ARNT2: variants seen among roughly 807,000 people sequenced by gnomAD.
ARNT2 encodes the protein ARNT protein 2.
ARNT2 carries 36 observed loss-of-function variants against 91.7 expected under a neutral mutation model. That is an observed-to-expected ratio of 0.39 (90% CI 0.30 to 0.52). ARNT2 has a LOEUF of 0.52. ARNT2 is among the 20% of genes least tolerant of loss of function. The pLI is 0.72. For missense variants in ARNT2, 775 were observed against 939.3 expected, an observed-to-expected ratio of 0.83 and a Z score of 2.29; for synonymous variants, 365 against 347.1, an observed-to-expected ratio of 1.05 and a Z score of -0.57.
At chr15:80,460,699 G>C (rs1342917444) in intron 3 of ARNT2, among the ~76,000 whole-genome samples, 4 of 152,260 alleles carry the variant, frequency 2.6e-5, no homozygotes, top group Non-Finnish European at 5.9e-5. Context: ...GCTGAGGACT[G>C]ATGGGGAGAT....
At position 80,457,939 on chromosome 15, in the gene ARNT2, G is replaced by C; in HGVS notation, c.157G>C (p.Asp53His). 1 of 1,613,928 alleles carries C rather than the reference G, an allele frequency of 6.2e-7. No individual in the cohort carries two copies. The highest frequency in any genetic ancestry group is 8.5e-7 in the Non-Finnish European group (1 of 1,179,942). Residue 53 changes from aspartate (D) to histidine (H), a missense_variant, in exon 3 of 19, where the codon GAT becomes CAT. By Grantham distance (81) the Asp-to-His change is moderately conservative. Transcript: ENST00000303329. ...GGKRRSGMDF[D>H]DEDGEGPSKF... is the part of the protein sequence containing the mutation. ...ATCTTGACTTTTCAGAATGGACTTC[G>C]ATGATGAAGATGGTGAAGGCCCCAG...
intron 5 of ARNT2, among the ~76,000 whole-genome samples, chr15:80,506,088 C>T (rs1378916333): frequency 6.6e-6 from 1 of 151,990 alleles, no homozygotes; most frequent in Non-Finnish European, 1.5e-5. Context: ...AGGTGCCCGC[C>T]ACCGCGCCTG....
chr15:80,530,189 T>A (rs1897713448), intron 8 of ARNT2, among the ~76,000 whole-genome samples: 1 of 152,232 alleles, frequency 6.6e-6, no homozygotes. Flanking sequence ...TCCAGAAAGA[T>A]ATTTCAGGCC....
At chr15:80,576,215 T>A (rs1280144365) in intron 14 of ARNT2, among the ~76,000 whole-genome samples, 2 of 152,110 alleles carry the variant, frequency 1.3e-5, no homozygotes, top group Non-Finnish European at 2.9e-5. Context: ...ACTAGAGGAC[T>A]TGGAATCCCT....
At chr15:80,424,493 C>T (rs1233772218) in intron 1 of ARNT2, among the ~76,000 whole-genome samples, 1 of 152,184 alleles carries the variant, frequency 6.6e-6, no homozygotes, top group Non-Finnish European at 1.5e-5. Context: ...AAAGTCAGGT[C>T]CCTCCTTCCA....
chr15:80,580,558 A>G lies in ARNT2; in HGVS notation c.1752+9A>G. The G allele has an allele frequency of 6.2e-7, 1 of 1,613,710 alleles. No individual in the cohort carries two copies. Among genetic ancestry groups the G allele is most frequent in the South Asian group, 1.1e-5 (1 of 91,054 alleles). ...CGCCCTTTCCGGGACAGGTATGGGC[A>G]TCTGTGAGGGCATCTCCCCTGGGTG... On this transcript the variant is annotated intron_variant, in intron 16 of 18. Coordinates refer to ENST00000303329, the MANE Select transcript of ARNT2 (RefSeq NM_014862.4).
At chr15:80,493,455 A>T (rs1897083832) in intron 5 of ARNT2, among the ~76,000 whole-genome samples, 1 of 152,174 alleles carries the variant, frequency 6.6e-6, no homozygotes, top group Non-Finnish European at 1.5e-5. Flanking sequence ...CATTACCTGA[A>T]GTTAGTAGGG....
At chr15:80,461,784 C>T (rs1179041791) in intron 3 of ARNT2, among the ~76,000 whole-genome samples, 1 of 152,024 alleles carries the variant, frequency 6.6e-6, no homozygotes, top group African/African-American at 2.4e-5. Context: ...GCCAAGGAGG[C>T]AAAAAGGAGT....
intron 11 of ARNT2, among the ~76,000 whole-genome samples, chr15:80,559,172 T>C (rs1050983900): frequency 2.6e-5 from 4 of 151,944 alleles, no homozygotes; most frequent in African/African-American, 9.7e-5. Context: ...GCTGACGCTG[T>C]CAGAACCGGT....
intron 8 of ARNT2, among the ~76,000 whole-genome samples, chr15:80,517,054 G>C (rs1897447626): frequency 6.6e-6 from 1 of 151,424 alleles, no homozygotes; most frequent in Non-Finnish European, 1.5e-5. Flanking sequence ...AAAATAAAAT[G>C]TTTTATTATA....
At chr15:80,565,950 T>G (rs1478967282) in intron 12 of ARNT2, among the ~76,000 whole-genome samples, 1 of 152,216 alleles carries the variant, frequency 6.6e-6, no homozygotes, top group East Asian at 1.9e-4. Context: ...GCAAGTCACC[T>G]ACTCTTTCTA....
chr15:80,416,952 C>G (rs1595953339), intron 1 of ARNT2, among the ~76,000 whole-genome samples: 1 of 152,204 alleles, frequency 6.6e-6, no homozygotes, highest in Non-Finnish European at 1.5e-5. Flanking sequence ...TCCTATACAC[C>G]ATTTGCGAGT....
Position 80,555,147 on chromosome 15 carries a change from C to T in ARNT2, c.1164+8C>T. On this transcript the variant is annotated splice_region_variant and intron_variant, in intron 11 of 18. Transcript: ENST00000303329. Reference sequence around the variant, plus strand: ...CGTGAGAGCTTCCAGCAGGTACATACTGCCAGTACCCACTTAAAGCTGATG... The same window carrying T: ...CGTGAGAGCTTCCAGCAGGTACATATTGCCAGTACCCACTTAAAGCTGATG... 1 of 1,613,916 alleles carries T rather than the reference C, an allele frequency of 6.2e-7. No homozygotes were observed. Among genetic ancestry groups the T allele is most frequent in the South Asian group, 1.1e-5 (1 of 91,070 alleles).
chr15:80,518,673 G>GAT (rs1388270668), intron 8 of ARNT2, among the ~76,000 whole-genome samples: 1 of 152,096 alleles, frequency 6.6e-6, no homozygotes, highest in Non-Finnish European at 1.5e-5. Flanking sequence ...GAGAGAAATT[G>GAT]TTCTGTAATC....
chr15:80,597,433 C>G lies in ARNT2; in HGVS notation c.*3735C>G. 1 of 365,168 alleles carries G rather than the reference C, an allele frequency of 2.7e-6. No homozygotes were observed. Among genetic ancestry groups the G allele is most frequent in the South Asian group, 2.0e-5 (1 of 49,104 alleles). The allele number at this position is 365,168 out of a possible 1,614,324, so 22.6% of individuals were successfully genotyped here. A position where few individuals can be genotyped will look rare whatever the true frequency, so the allele number is the denominator to read the frequency against. ...CTAACCTGCCGGGGTCATTCCCCACCAAACACCCCATACTAAGGAGCCATG... is the reference window on the plus strand; with the variant it reads ...CTAACCTGCCGGGGTCATTCCCCACGAAACACCCCATACTAAGGAGCCATG... On this transcript the variant is annotated 3_prime_UTR_variant, in exon 19 of 19. Transcript: ENST00000303329.
chr15:80,411,879 G>A (rs112036035), intron 1 of ARNT2, among the ~76,000 whole-genome samples: 4 of 152,318 alleles, frequency 2.6e-5, no homozygotes, highest in East Asian at 1.9e-4. Flanking sequence ...GGTAGGTTCC[G>A]TGTTACAGTC....
intron 6 of ARNT2, among the ~76,000 whole-genome samples, chr15:80,512,329 CT>C: frequency 6.6e-6 from 1 of 152,284 alleles, no homozygotes; most frequent in South Asian, 2.1e-4. Context: ...CCTCGCTGTT[CT>C]TTTCTCTGAG....
At position 80,587,206 on chromosome 15, in the gene ARNT2, C is replaced by T. The variant is rs564932624; in HGVS notation, c.1919-4362C>T. On this transcript the variant is annotated intron_variant, in intron 17 of 18. Transcript: ENST00000303329. The stretch of plus-strand genomic sequence containing the variant: ...TAAGACAATGAGCTGCCCTTTGGTG[C>T]ACCTTGTTACTTTATCCAGCAGGGT... Among the ~76,000 whole-genome samples the T allele has an allele frequency of 3.3e-5, 5 of 152,280 alleles. No homozygotes were observed. The East Asian group carries it at 9.6e-4, about 29-fold the overall frequency.
At chr15:80,587,196 C>T (rs1437791173) in intron 17 of ARNT2, among the ~76,000 whole-genome samples, 1 of 152,080 alleles carries the variant, frequency 6.6e-6, no homozygotes, top group African/African-American at 2.4e-5. Flanking sequence ...CAATGAGCTG[C>T]CCTTTGGTGC....
Sources: allele counts gnomAD v4.1 joint callset (sites outside exome capture counted in the v4.1 genomes callset), GRCh38; gene constraint gnomAD v4.1.1; transcripts MANE v1.5; gene names NCBI Gene and HGNC (gene_info 2026-07-23, HGNC 2026-07-21).